Variants in FAM78A observed in about 807,000 individuals in gnomAD.
The protein encoded by FAM78A is protein FAM78A.
A neutral mutation model predicts 22.6 loss-of-function variants in FAM78A; 12 were observed. The ratio of observed to expected loss-of-function variants is 0.53; its 90% confidence interval spans 0.34 to 0.86. The LOEUF (loss-of-function observed/expected upper bound fraction) is 0.86. Among genes scored for constraint, FAM78A ranks in the 40% least tolerant of loss-of-function variants. FAM78A has a pLI of 0.02. For missense variants in FAM78A, 322 were observed against 396.1 expected (o/e 0.81, Z 1.59); for synonymous variants, 151 against 155.8 (o/e 0.97, Z 0.23).
At chr9:131,268,954 C>A (rs1463036891) in intron 1 of FAM78A, among the ~76,000 whole-genome samples, 2 of 151,180 alleles carry the variant, frequency 1.3e-5, no homozygotes, top group African/African-American at 4.9e-5. Flanking sequence ...AATCCCAGCA[C>A]TTTGGGAGCC....
chr9:131,261,259 T>C lies in FAM78A; in HGVS notation c.415A>G (p.Thr139Ala), dbSNP rs1429009537. The change falls in exon 2 of 2, where the codon ACA becomes GCA. Residue 139 changes from threonine to alanine, a missense_variant. Physicochemically the swap from Thr to Ala is moderately conservative, Grantham distance 58 (BLOSUM62 0). Coordinates refer to ENST00000372271, the MANE Select transcript of FAM78A (RefSeq NM_033387.4). This position sits in a 1 kb window ranked among gnomAD's most constrained non-coding sequence, Gnocchi z 7.1. Reference protein sequence around the residue: ...GVNYPWYGNTTETCTIVGPTK... With the variant: ...GVNYPWYGNTAETCTIVGPTK... ...GGGCCCACGATGGTGCAGGTCTCTG[T>C]GGTGTTGCCGTACCAGGGGTAGTTC... The C allele has an allele frequency of 1.2e-6, 2 of 1,611,868 alleles. No individual in the cohort carries two copies. Among genetic ancestry groups the C allele is most frequent in the African/African-American group, 2.7e-5 (2 of 74,860 alleles).
intron 1 of FAM78A, among the ~76,000 whole-genome samples, chr9:131,270,038 A>T (rs910161632): frequency 1.3e-3 from 47 of 36,910 alleles, no homozygotes; most frequent in Non-Finnish European, 2.7e-3. Context: ...CTACTAAAAT[A>T]AAAAAAAAAA....
At position 131,259,915 on chromosome 9, in the gene FAM78A, C is replaced by G. The variant is rs902392373; in HGVS notation, c.*907G>C. The stretch of plus-strand genomic sequence containing the variant: ...GAAAATTCCCTGGGCTCACAGGAGC[C>G]TGCCTCTCTCCTCCTAGAGCCGCCC... On this transcript the variant is annotated 3_prime_UTR_variant, in exon 2 of 2. Coordinates refer to ENST00000372271, the MANE Select transcript of FAM78A (RefSeq NM_033387.4). The G allele has an allele frequency of 1.3e-5, 2 of 152,724 alleles. No individual in the cohort carries two copies. Among genetic ancestry groups the G allele is most frequent in the African/African-American group, 4.8e-5 (2 of 41,458 alleles). 9.5% of individuals were successfully genotyped at this position (152,724 alleles called of 1,614,324 possible).
chr9:131,270,999 G>GCCTTTTTTTTTT lies in FAM78A; in HGVS notation c.323+4857_323+4858insAAAAAAAAAAGG, dbSNP rs1311041330. ...ACCCCTGCCCTGTCCTTTCCCACCA[G>GCCTTTTTTTTTT]TCTTTTTTTTTTTTTTTTTTTTTTG... On this transcript the variant is annotated intron_variant, in intron 1 of 1. Coordinates refer to ENST00000372271, the MANE Select transcript of FAM78A (RefSeq NM_033387.4). 5.3e-5 allele frequency among the ~76,000 whole-genome samples: 7 copies of GCCTTTTTTTTTT among 131,964 alleles called. 3 individuals are homozygous for GCCTTTTTTTTTT. The highest frequency in any genetic ancestry group is 5.8e-5 in the African/African-American group (2 of 34,312). 86.6% of individuals were successfully genotyped at this position (131,964 alleles called of 152,430 possible).
rs1487340277 is a variant in FAM78A at position 131,261,831 on chromosome 9, C to T, written c.324-481G>A. Among the ~76,000 whole-genome samples, 1 of 152,206 alleles carries T rather than the reference C, an allele frequency of 6.6e-6. No homozygotes were observed. The highest frequency in any genetic ancestry group is 6.5e-5 in the Admixed American group (1 of 15,282). On this transcript the variant is annotated intron_variant, in intron 1 of 1. Coordinates refer to ENST00000372271, the MANE Select transcript of FAM78A (RefSeq NM_033387.4). This position sits in a 1 kb window ranked among gnomAD's most constrained non-coding sequence, Gnocchi z 7.1. ...GGCCTGGGACCCCGGCGCATTTCCA[C>T]CAAGGCACCTGTAACAGGGAAGCTC...
chr9:131,262,803 A>T (rs4063128), intron 1 of FAM78A: 14,024 of 152,064 alleles, frequency 0.092, 2,011 homozygotes, highest in African/African-American at 0.3. Flanking sequence ...AAAAAACACA[A>T]ACTGTGTGAT....
In FAM78A at chr9:131,274,393, G is replaced by C. The variant is rs1019632886; in HGVS notation, c.323+1464C>G. Reference sequence around the variant, plus strand: ...TCTGGGCTTAAGCGTTCTTAGAAAAGGTCCTCACTGCATAACTAAGAATCA... The same window carrying C: ...TCTGGGCTTAAGCGTTCTTAGAAAACGTCCTCACTGCATAACTAAGAATCA... On this transcript the variant is annotated intron_variant, in intron 1 of 1. Coordinates refer to ENST00000372271, the MANE Select transcript of FAM78A (RefSeq NM_033387.4). The surrounding 1 kb of genome is among the most constrained non-coding windows in gnomAD (Gnocchi z 4.2). 3.3e-5 allele frequency among the ~76,000 whole-genome samples: 5 copies of C among 152,198 alleles called. No individual in the cohort carries two copies. The highest frequency in any genetic ancestry group is 1.2e-4 in the African/African-American group (5 of 41,446).
Position 131,275,920 on chromosome 9 carries a change from AC to A in FAM78A, c.259del (p.Val87Ter). On this transcript the variant is annotated frameshift_variant, in exon 1 of 2. Coordinates refer to ENST00000372271, the MANE Select transcript of FAM78A (RefSeq NM_033387.4). LOFTEE classifies it high-confidence loss of function. The surrounding 1 kb of genome is among the most constrained non-coding windows in gnomAD (Gnocchi z 4.6). ...MPPIPKKETW[V>X]VGWIQACSHM... Reference sequence around the variant, plus strand: ...GCTGCACGCCTGGATCCAGCCAACTACCCAAGTCTCCTTCTTGGGGATGGGC... The same window carrying A: ...GCTGCACGCCTGGATCCAGCCAACTACCAAGTCTCCTTCTTGGGGATGGGC... 6.2e-7 allele frequency: 1 copy of A among 1,612,918 alleles called. No individual in the cohort carries two copies. Among genetic ancestry groups the A allele is most frequent in the Non-Finnish European group, 8.5e-7 (1 of 1,179,806 alleles).
upstream of FAM78A, among the ~76,000 whole-genome samples, chr9:131,276,780 G>A (rs1290286786): frequency 6.6e-6 from 1 of 151,046 alleles, no homozygotes; most frequent in Non-Finnish European, 1.5e-5. This position sits in a 1 kb window ranked among gnomAD's most constrained non-coding sequence, Gnocchi z 4.3. Context: ...CGGTGACGGG[G>A]GAGCGCGGCG....
chr9:131,269,326 T>C (rs889767154), intron 1 of FAM78A, among the ~76,000 whole-genome samples: 2 of 152,164 alleles, frequency 1.3e-5, no homozygotes, highest in African/African-American at 2.4e-5. Flanking sequence ...GTAACAACAA[T>C]GTATCATTTC....
chr9:131,277,329 GGGCCACCCACCA>G (rs1835499678), upstream of FAM78A, among the ~76,000 whole-genome samples: 1 of 151,934 alleles, frequency 6.6e-6, no homozygotes. This position sits in a 1 kb window ranked among gnomAD's most constrained non-coding sequence, Gnocchi z 8.4. Flanking sequence ...CCTGGGCGCA[GGGCCACCCACCA>G]GTGCCGTCGG....
intron 1 of FAM78A, chr9:131,270,371 A>G (rs1330723688): frequency 1.8e-5 from 13 of 717,434 alleles, no homozygotes; most frequent in East Asian, 1.1e-4. Context: ...ATCTTTTTCA[A>G]TGCACCCAAC....
At position 131,276,316 on chromosome 9, in the gene FAM78A, A is replaced by T. The variant is rs1333916657; in HGVS notation, c.-137T>A. 1.5e-6 allele frequency: 1 copy of T among 663,538 alleles called. No homozygotes were observed. Among genetic ancestry groups the T allele is most frequent in the East Asian group, 2.8e-5 (1 of 36,018 alleles). The allele number at this position is 663,538 out of a possible 1,614,324, so 41.1% of individuals were successfully genotyped here. ...ATATCACTACCGCGGCCTGTTTATA[A>T]ATAAGGATTCTGCTGCATTTCATGA... On this transcript the variant is annotated 5_prime_UTR_variant, in exon 1 of 2. Transcript: ENST00000372271. This position sits in a 1 kb window ranked among gnomAD's most constrained non-coding sequence, Gnocchi z 4.3.
At chr9:131,262,292 A>G (rs1486492434) in intron 1 of FAM78A, among the ~76,000 whole-genome samples, 1 of 150,204 alleles carries the variant, frequency 6.7e-6, no homozygotes, top group African/African-American at 2.5e-5. Flanking sequence ...CCTGGGCGAC[A>G]GAGTGAGACT....
chr9:131,276,143 C>T lies in FAM78A; in HGVS notation c.37G>A (p.Glu13Lys). The T allele has an allele frequency of 6.2e-7, 1 of 1,613,102 alleles. No homozygotes were observed. The highest frequency in any genetic ancestry group is 8.5e-7 in the Non-Finnish European group (1 of 1,179,706). Residue 13 changes from glutamate (E) to lysine (K), a missense_variant, in exon 1 of 2, where the codon GAG (glutamate) becomes AAG (lysine). By Grantham distance (56) the Glu-to-Lys change is moderately conservative. Coordinates refer to ENST00000372271, the MANE Select transcript of FAM78A (RefSeq NM_033387.4). The surrounding 1 kb of genome is among the most constrained non-coding windows in gnomAD (Gnocchi z 4.3). ...GFFCDCWPSL[E>K]IRALLYAMGC... ...ATGGCATACAGGAGCGCTCTGATCT[C>T]CAGGGAAGGCCAGCAGTCACAGAAA...
chr9:131,280,290 G>A (rs1216194661), upstream of FAM78A, among the ~76,000 whole-genome samples: 8 of 152,078 alleles, frequency 5.3e-5, no homozygotes, highest in East Asian at 7.8e-4. Context: ...CGGCCCTGCC[G>A]CTTCCCTACA....
At chr9:131,277,981 C>T (rs1432456405), upstream of FAM78A, among the ~76,000 whole-genome samples, 1 of 146,210 alleles carries the variant, frequency 6.8e-6, no homozygotes, top group Non-Finnish European at 1.5e-5. This position sits in a 1 kb window ranked among gnomAD's most constrained non-coding sequence, Gnocchi z 8.4. Flanking sequence ...GCCGGCCGAG[C>T]GCAGCCGGCG....
intron 1 of FAM78A, among the ~76,000 whole-genome samples, chr9:131,270,812 C>T (rs894920554): frequency 6.6e-6 from 1 of 152,184 alleles, no homozygotes; most frequent in Non-Finnish European, 1.5e-5. Context: ...CAACACTGCT[C>T]TGGCAACCAG....
At chr9:131,269,068 T>C (rs1588199074) in intron 1 of FAM78A, among the ~76,000 whole-genome samples, 1 of 123,562 alleles carries the variant, frequency 8.1e-6, no homozygotes, top group Non-Finnish European at 1.6e-5. Flanking sequence ...ACCACTGCAC[T>C]CCAGCCTGGG....
Sources: allele counts gnomAD v4.1 joint callset (sites outside exome capture counted in the v4.1 genomes callset), GRCh38; gene constraint gnomAD v4.1.1; non-coding constraint Gnocchi (gnomAD v3.1); transcripts MANE v1.5; gene names NCBI Gene and HGNC (gene_info 2026-07-23, HGNC 2026-07-21).